The following TOGARAM2 variants were observed in gnomAD, a reference collection of about 807,000 sequenced individuals.
TOGARAM2 encodes TOG array regulator of axonemal microtubules protein 2.
In TOGARAM2, 85 loss-of-function variants were observed where a neutral mutation model predicts 93.3. That is an observed-to-expected ratio of 0.91 (90% CI 0.76 to 1.09). TOGARAM2 has a LOEUF of 1.09. Ranked by LOEUF, TOGARAM2 falls within the 50% of genes least tolerant of loss-of-function variation. The pLI is 0.00. For synonymous variants in TOGARAM2, 593 were observed against 552.8 expected (o/e 1.07, Z -1.02); for missense variants, 1,277 against 1,334.5 (o/e 0.96, Z 0.67).
At chr2:28,992,429 G>GCT (rs1419519796) in intron 1 of TOGARAM2, among the ~76,000 whole-genome samples, 1 of 152,142 alleles carries the variant, frequency 6.6e-6, no homozygotes, top group East Asian at 1.9e-4. Context: ...CCATGGAATG[G>GCT]CTCCAGATTT....
chr2:29,041,063 C>T (rs1666408098), intron 18 of TOGARAM2, among the ~76,000 whole-genome samples: 1 of 144,644 alleles, frequency 6.9e-6, no homozygotes, highest in Admixed American at 7.0e-5. Context: ...CTGGCTCTGT[C>T]ACCCAGGCTG....
At chr2:29,007,875 C>T (rs368170774) in intron 6 of TOGARAM2, among the ~76,000 whole-genome samples, 12 of 152,102 alleles carry the variant, frequency 7.9e-5, no homozygotes, top group African/African-American at 1.2e-4. Context: ...CATCCATTTA[C>T]GAGGGGACAT....
intron 2 of TOGARAM2, among the ~76,000 whole-genome samples, chr2:28,996,230 C>G (rs982967489): frequency 6.6e-5 from 10 of 152,134 alleles, no homozygotes; most frequent in African/African-American, 2.4e-4. Context: ...GCACCTCAAC[C>G]ACTGGCCATT....
At chr2:28,966,593 G>A (rs993308527) in intron 1 of TOGARAM2, among the ~76,000 whole-genome samples, 3 of 152,112 alleles carry the variant, frequency 2.0e-5, no homozygotes, top group African/African-American at 7.2e-5. Context: ...ACCGTGCCTG[G>A]CCAAATTATT....
chr2:28,994,969 C>A (rs1424808490), intron 2 of TOGARAM2, 107 bp downstream of exon 2: 2 of 1,352,932 alleles, frequency 1.5e-6, no homozygotes, highest in African/African-American at 1.4e-5. Context: ...TAAAGGGCTG[C>A]TGGGAGATAA....
rs1423908892 is a variant in TOGARAM2, at chr2:29,005,416, TGTGAGAGCATGCATGTGC to T, written c.830+1740_830+1757del. ...TGTATGTGGAGTGTGTGTGTGCGTG[TGTGAGAGCATGCATGTGC>T]GTGAGTGCATGTATGTGAGAGCATG... On this transcript the variant is annotated intron_variant, in intron 6 of 19. Coordinates refer to ENST00000379558, the MANE Select transcript of TOGARAM2 (RefSeq NM_199280.4). Among the ~76,000 whole-genome samples the T allele has an allele frequency of 3.1e-4, 46 of 146,474 alleles. 2 individuals are homozygous for T. Among genetic ancestry groups the T allele is most frequent in the African/African-American group, 1.1e-3 (44 of 39,150 alleles).
chr2:29,022,370 G>A, intron 11 of TOGARAM2, 62 bp downstream of exon 11: 2 of 1,583,610 alleles, frequency 1.3e-6, no homozygotes, highest in East Asian at 2.3e-5. Flanking sequence ...TTGCAGAATA[G>A]CTTCTGCCCC....
At chr2:28,965,146 C>T (rs183279565) in intron 1 of TOGARAM2, among the ~76,000 whole-genome samples, 108 of 152,276 alleles carry the variant, frequency 7.1e-4, no homozygotes, top group Non-Finnish European at 1.1e-3. Context: ...ACCTCACCAG[C>T]GTCTGTTGTT....
chr2:28,967,402 G>A (rs943230726), intron 1 of TOGARAM2, among the ~76,000 whole-genome samples: 5 of 152,138 alleles, frequency 3.3e-5, no homozygotes, highest in Non-Finnish European at 7.3e-5. Context: ...TTGAGCCCAG[G>A]CACTTGAGGC....
intron 16 of TOGARAM2, among the ~76,000 whole-genome samples, chr2:29,035,073 C>T (rs1469469332): frequency 6.6e-6 from 1 of 151,190 alleles, no homozygotes; most frequent in Non-Finnish European, 1.5e-5. Flanking sequence ...TCGTTTGAAC[C>T]CAGGAGGTGG....
At chr2:28,966,125 G>T (rs565048426) in intron 1 of TOGARAM2, among the ~76,000 whole-genome samples, 1 of 151,948 alleles carries the variant, frequency 6.6e-6, no homozygotes, top group African/African-American at 2.4e-5. Flanking sequence ...CAAGTAGCTG[G>T]GATTACAGGT....
intron 6 of TOGARAM2, among the ~76,000 whole-genome samples, chr2:29,004,796 GTGTC>G (rs1398548416): frequency 3.3e-5 from 5 of 151,912 alleles, no homozygotes; most frequent in East Asian, 1.9e-4. Context: ...GTGTCTGAGT[GTGTC>G]TGAGTGCATG....
At chr2:28,997,700 C>T (rs1004699822) in intron 2 of TOGARAM2, among the ~76,000 whole-genome samples, 1 of 152,142 alleles carries the variant, frequency 6.6e-6, no homozygotes, top group Non-Finnish European at 1.5e-5. Flanking sequence ...TGGGATTGGT[C>T]AGGGCGGAAG....
At chr2:29,045,164 A>G (rs1666666861) in intron 18 of TOGARAM2, among the ~76,000 whole-genome samples, 160 bp from the exon 19 acceptor site, 1 of 152,212 alleles carries the variant, frequency 6.6e-6, no homozygotes. Flanking sequence ...CGCTACATAC[A>G]TTCACTTTAA....
upstream of TOGARAM2, among the ~76,000 whole-genome samples, chr2:28,977,032 G>A (rs1572620639): frequency 6.6e-6 from 1 of 152,300 alleles, no homozygotes; most frequent in East Asian, 1.9e-4. Flanking sequence ...GGCGTGGCCT[G>A]TGAAGGGATG....
chr2:29,012,139 G>A (rs867481370), intron 7 of TOGARAM2, among the ~76,000 whole-genome samples: 7 of 152,190 alleles, frequency 4.6e-5, no homozygotes, highest in African/African-American at 1.4e-4. Context: ...AACTCTATGG[G>A]GAGGTGGGAC....
At chr2:29,035,227 T>G (rs2148375993) in intron 16 of TOGARAM2, among the ~76,000 whole-genome samples, 1 of 151,688 alleles carries the variant, frequency 6.6e-6, no homozygotes, top group African/African-American at 2.4e-5. Flanking sequence ...CTTCCCCCAT[T>G]GCTTACATAT....
At chr2:29,017,409 T>C (rs1664652408) in intron 9 of TOGARAM2, 105 bp downstream of exon 9, 1 of 1,128,780 alleles carries the variant, frequency 8.9e-7, no homozygotes. Context: ...TTTATTAGTA[T>C]TTATGTATTT....
rs1345593434 is a variant in TOGARAM2, at chr2:29,002,765, C to T, written c.639+18C>T. The T allele has an allele frequency of 1.2e-6, 2 of 1,607,056 alleles. No homozygotes were observed. Among genetic ancestry groups the T allele is most frequent in the South Asian group, 1.1e-5 (1 of 89,902 alleles). On this transcript the variant is annotated intron_variant, in intron 5 of 19. Transcript: ENST00000379558. ...CTCAGGAGGTAAGGTGGTTCGACTG[C>T]TGTGAGTCTGGTCCTCAGCTTCTTG...
Sources: allele counts gnomAD v4.1 joint callset (sites outside exome capture counted in the v4.1 genomes callset), GRCh38; gene constraint gnomAD v4.1.1; transcripts MANE v1.5; gene names NCBI Gene and HGNC (gene_info 2026-07-23, HGNC 2026-07-21).